The following ELAVL2 variants were observed in gnomAD, a reference collection of about 807,000 sequenced individuals.
The protein encoded by ELAVL2 is ELAV like RNA binding protein 2.
Under a neutral mutation model 34.6 loss-of-function variants are expected in ELAVL2, and 4 were observed. The observed-to-expected ratio is 0.12, with a 90% CI of 0.06 to 0.26. The LOEUF is 0.26. Among genes scored for constraint, ELAVL2 ranks in the 10% least tolerant of loss-of-function variants. The probability of loss-of-function intolerance (pLI) is 1.00; values close to 1 mark genes in which losing one functional copy is unlikely to be tolerated. For missense variants in ELAVL2, 432 were observed against 442.8 expected (o/e 0.98, Z 0.22); for synonymous variants, 193 against 154.8 (o/e 1.25, Z -1.83).
At chr9:23,734,294 C>T (rs1319565319) in intron 2 of ELAVL2, among the ~76,000 whole-genome samples, 2 of 152,186 alleles carry the variant, frequency 1.3e-5, no homozygotes, top group Non-Finnish European at 2.9e-5. Flanking sequence ...CAAGCCTCCC[C>T]ATTCTCACCT....
At chr9:23,841,448 A>ACT in the ELAVL2 span, among the ~76,000 whole-genome samples, 3 of 151,400 alleles carry the variant, frequency 2.0e-5, no homozygotes, top group Non-Finnish European at 4.4e-5. Flanking sequence ...TTCTAGAGAA[A>ACT]CTCTCTCTCT....
upstream of ELAVL2, chr9:23,830,373 A>G (rs1387415027): frequency 6.6e-6 from 1 of 152,024 alleles, no homozygotes; most frequent in African/African-American, 2.4e-5. Flanking sequence ...GATCTCAAAC[A>G]TCCTTTACTT....
intron 1 of ELAVL2, chr9:23,765,085 G>A (rs1225849662): frequency 1.2e-6 from 2 of 1,602,716 alleles, no homozygotes; most frequent in African/African-American, 2.7e-5. Context: ...TGCCATGTTA[G>A]TTTGGAGTTG....
chr9:23,741,518 ATTCC>A (rs2049176417), intron 2 of ELAVL2, among the ~76,000 whole-genome samples: 1 of 151,616 alleles, frequency 6.6e-6, no homozygotes, highest in South Asian at 2.1e-4. Flanking sequence ...TCAACTCTTT[ATTCC>A]TTCCCTCTCT....
chr9:23,734,442 G>C (rs963152174), intron 2 of ELAVL2, among the ~76,000 whole-genome samples: 31 of 152,114 alleles, frequency 2.0e-4, no homozygotes, highest in African/African-American at 5.8e-4. Context: ...AAAAAGGCAG[G>C]GAGGAAGTAG....
Position 23,701,232 on chromosome 9 carries a change from G to A in ELAVL2, c.713+147C>T, listed in dbSNP as rs1442200270. ...TATTCCTCAAGTAGATTCTCTCTGT[G>A]CCCATGGAGATGAAAAATTAATAGT... On this transcript the variant is annotated intron_variant, in intron 5 of 6. Coordinates refer to ENST00000397312, the MANE Select transcript of ELAVL2 (RefSeq NM_004432.5). The A allele has an allele frequency of 2.3e-5, 19 of 827,050 alleles. No homozygotes were observed. In the East Asian group the frequency reaches 4.4e-4, roughly 19 times the overall value. The allele number at this position is 827,050 out of a possible 1,614,324, so 51.2% of individuals were successfully genotyped here.
chr9:23,844,250 T>C, the ELAVL2 span, among the ~76,000 whole-genome samples: 1 of 152,026 alleles, frequency 6.6e-6, no homozygotes, highest in African/African-American at 2.4e-5. Flanking sequence ...TCTCTATCTC[T>C]TACACAGAGT....
chr9:23,765,001 C>T, intron 1 of ELAVL2: 1 of 1,608,880 alleles, frequency 6.2e-7, no homozygotes, highest in South Asian at 1.1e-5. Flanking sequence ...AAGAAAAATC[C>T]CACAGACCCC....
upstream of ELAVL2, among the ~76,000 whole-genome samples, chr9:23,829,092 T>C (rs966127527): frequency 1.3e-5 from 2 of 152,218 alleles, no homozygotes. Context: ...TTAAAAGACA[T>C]TTGAATATGA....
chr9:23,776,179 A>G (rs1268352552), intron 1 of ELAVL2, among the ~76,000 whole-genome samples: 1 of 152,200 alleles, frequency 6.6e-6, no homozygotes, highest in African/African-American at 2.4e-5. Context: ...TCAAGGGGAA[A>G]AAGGGGAAAG....
intron 2 of ELAVL2, among the ~76,000 whole-genome samples, chr9:23,740,244 CA>C (rs2048851863): frequency 6.6e-6 from 1 of 152,288 alleles, no homozygotes; most frequent in East Asian, 1.9e-4. Context: ...ACTAAACTAT[CA>C]AGCAACTAGG....
At chr9:23,828,503 G>T (rs1036094650), upstream of ELAVL2, among the ~76,000 whole-genome samples, 26 of 152,112 alleles carry the variant, frequency 1.7e-4, no homozygotes, top group African/African-American at 6.3e-4. Flanking sequence ...GTGAAAAGCT[G>T]GGAGTGATAT....
intron 1 of ELAVL2, among the ~76,000 whole-genome samples, chr9:23,797,789 G>A (rs1032606722): frequency 2.6e-5 from 4 of 152,170 alleles, no homozygotes; most frequent in African/African-American, 4.8e-5. Context: ...TTAGGTGGGC[G>A]TGGTGGCGCA....
intron 3 of ELAVL2, among the ~76,000 whole-genome samples, chr9:23,719,463 T>A (rs1272882214): frequency 6.6e-6 from 1 of 152,194 alleles, no homozygotes; most frequent in Non-Finnish European, 1.5e-5. Flanking sequence ...AGACATTGCT[T>A]AATGAAGAAC....
intron 1 of ELAVL2, among the ~76,000 whole-genome samples, chr9:23,792,202 T>C (rs1255471660): frequency 6.6e-6 from 1 of 152,188 alleles, no homozygotes; most frequent in Non-Finnish European, 1.5e-5. Context: ...AATGCAAGTG[T>C]TCTAAGCAGA....
At chr9:23,718,195 A>G (rs1464078667) in intron 3 of ELAVL2, among the ~76,000 whole-genome samples, 1 of 152,178 alleles carries the variant, frequency 6.6e-6, no homozygotes, top group Non-Finnish European at 1.5e-5. Flanking sequence ...AAACACCCAG[A>G]GAAAAATTCC....
At chr9:23,773,674 A>G (rs1009894124) in intron 1 of ELAVL2, among the ~76,000 whole-genome samples, 1 of 152,198 alleles carries the variant, frequency 6.6e-6, no homozygotes, top group Non-Finnish European at 1.5e-5. Context: ...TACAGGCTAC[A>G]TTTTAACAGG....
intron 1 of ELAVL2, among the ~76,000 whole-genome samples, chr9:23,792,316 A>G (rs2137264478): frequency 6.6e-6 from 1 of 152,320 alleles, no homozygotes; most frequent in East Asian, 1.9e-4. Flanking sequence ...TGGGTTTATC[A>G]GGACATAAGC....
At chr9:23,765,511 G>C (rs967985312) in intron 1 of ELAVL2, among the ~76,000 whole-genome samples, 7 of 152,084 alleles carry the variant, frequency 4.6e-5, no homozygotes, top group African/African-American at 1.7e-4. Flanking sequence ...ATTCCTAAGT[G>C]ATTGGTTTGC....
Sources: allele counts gnomAD v4.1 joint callset (sites outside exome capture counted in the v4.1 genomes callset), GRCh38; gene constraint gnomAD v4.1.1; transcripts MANE v1.5; gene names NCBI Gene and HGNC (gene_info 2026-07-23, HGNC 2026-07-21).